LEKR1: variants seen among roughly 807,000 people sequenced by gnomAD.
The protein encoded by LEKR1 is protein LEKR1.
LEKR1 carries 59 observed loss-of-function variants against 72.4 expected under a neutral mutation model. That is an observed-to-expected ratio of 0.82 (90% CI 0.66 to 1.01). LEKR1 has a LOEUF of 1.01. LEKR1 is among the 50% of genes least tolerant of loss of function. LEKR1 has a pLI of 0.00. For synonymous variants in LEKR1, 257 were observed against 263.2 expected (o/e 0.98, Z 0.23); for missense variants, 728 against 759.2 (o/e 0.96, Z 0.48).
intron 6 of LEKR1, among the ~76,000 whole-genome samples, chr3:156,954,268 T>C (rs1392377006): frequency 1.3e-5 from 2 of 152,088 alleles, no homozygotes; most frequent in African/African-American, 4.8e-5. Context: ...TATTACACTT[T>C]TGCCAAATGG....
intron 3 of LEKR1, among the ~76,000 whole-genome samples, chr3:156,887,259 T>G (rs932294776): frequency 2.6e-5 from 4 of 152,062 alleles, no homozygotes; most frequent in Non-Finnish European, 5.9e-5. Context: ...TCCTCCCAAT[T>G]TTTTGAATTT....
chr3:156,889,533 T>C (rs1238738188), intron 3 of LEKR1, among the ~76,000 whole-genome samples: 1 of 152,186 alleles, frequency 6.6e-6, no homozygotes, highest in Non-Finnish European at 1.5e-5. Flanking sequence ...TGGGGTTGAT[T>C]CTGAAAACAT....
rs1426365644 is a variant in LEKR1 at position 157,035,220 on chromosome 3, G to T, written c.1668+6818G>T. ...TGTGACTTTCTTTATTGCAATATTT[G>T]CTTTATTTTGGTCTAGAACCAAACC... On this transcript the variant is annotated intron_variant, in intron 12 of 12. Coordinates refer to ENST00000356539, the MANE Select transcript of LEKR1 (RefSeq NM_001004316.3). 2.0e-5 allele frequency among the ~76,000 whole-genome samples: 3 copies of T among 152,066 alleles called. 1 individual carries two copies. The highest frequency in any genetic ancestry group is 7.2e-5 in the African/African-American group (3 of 41,412).
chr3:157,027,610 G>A (rs1734288148), intron 11 of LEKR1, among the ~76,000 whole-genome samples: 1 of 152,058 alleles, frequency 6.6e-6, no homozygotes, highest in African/African-American at 2.4e-5. Context: ...GAGCCCAGGA[G>A]TTTAAGACCA....
intron 6 of LEKR1, among the ~76,000 whole-genome samples, chr3:156,960,591 A>G (rs992786883): frequency 1.3e-5 from 2 of 152,130 alleles, no homozygotes; most frequent in Non-Finnish European, 2.9e-5. Flanking sequence ...TGGCCCAAGC[A>G]TACGGTTTTT....
At chr3:157,043,311 T>C (rs907467294) in intron 12 of LEKR1, among the ~76,000 whole-genome samples, 6 of 152,280 alleles carry the variant, frequency 3.9e-5, no homozygotes, top group African/African-American at 1.4e-4. Flanking sequence ...TACACCACTT[T>C]AATAACTCCA....
intron 3 of LEKR1, among the ~76,000 whole-genome samples, chr3:156,899,081 A>G (rs1721503185): frequency 6.6e-6 from 1 of 151,876 alleles, no homozygotes; most frequent in Non-Finnish European, 1.5e-5. Context: ...TCAGTGGGGT[A>G]GACATCAGCT....
At chr3:156,919,375 CTT>C (rs1723973136) in intron 3 of LEKR1, among the ~76,000 whole-genome samples, 1 of 151,954 alleles carries the variant, frequency 6.6e-6, no homozygotes, top group African/African-American at 2.4e-5. Flanking sequence ...GTTGTTCCTC[CTT>C]GATAGTGACT....
chr3:156,838,932 C>G (rs1308998104), intron 2 of LEKR1, among the ~76,000 whole-genome samples: 1 of 151,942 alleles, frequency 6.6e-6, no homozygotes, highest in Admixed American at 6.6e-5. Context: ...TTAATGGAAA[C>G]GAGGATGGCC....
At chr3:156,970,390 A>G (rs1384225026) in intron 6 of LEKR1, among the ~76,000 whole-genome samples, 4 of 152,218 alleles carry the variant, frequency 2.6e-5, no homozygotes, top group Non-Finnish European at 4.4e-5. Context: ...TGTTTTGGAC[A>G]TGAAGTCCTT....
intron 4 of LEKR1, among the ~76,000 whole-genome samples, chr3:156,923,132 T>C: frequency 6.6e-6 from 1 of 152,212 alleles, no homozygotes; most frequent in East Asian, 1.9e-4. Context: ...TTACCCCGTA[T>C]CTTTTTAAAA....
At chr3:156,867,514 CT>C (rs1171214593) in intron 3 of LEKR1, among the ~76,000 whole-genome samples, 1 of 151,900 alleles carries the variant, frequency 6.6e-6, no homozygotes, top group African/African-American at 2.4e-5. Context: ...GTTTTTCCCC[CT>C]GGCCAAAATA....
At chr3:156,989,178 G>A (rs946279905) in intron 7 of LEKR1, among the ~76,000 whole-genome samples, 5 of 152,140 alleles carry the variant, frequency 3.3e-5, no homozygotes, top group East Asian at 1.9e-4. Context: ...TATCCTGGAC[G>A]TTTTTCCATG....
At chr3:156,971,182 G>A (rs895543928) in intron 6 of LEKR1, among the ~76,000 whole-genome samples, 3 of 152,042 alleles carry the variant, frequency 2.0e-5, no homozygotes, top group Non-Finnish European at 2.9e-5. Context: ...CAGAAATAAC[G>A]CCGCATGTCT....
At chr3:156,889,058 A>G (rs1267365484) in intron 3 of LEKR1, among the ~76,000 whole-genome samples, 3 of 152,058 alleles carry the variant, frequency 2.0e-5, no homozygotes, top group Non-Finnish European at 2.9e-5. Flanking sequence ...ATACATTATC[A>G]TTTTCTCCAT....
chr3:156,950,925 G>A (rs1369738193), intron 6 of LEKR1, among the ~76,000 whole-genome samples: 1 of 151,666 alleles, frequency 6.6e-6, no homozygotes, highest in East Asian at 1.9e-4. Context: ...TGGTGAAAGA[G>A]GGCATCCTTG....
chr3:157,027,117 C>T (rs1734240184), intron 11 of LEKR1, among the ~76,000 whole-genome samples: 1 of 151,752 alleles, frequency 6.6e-6, no homozygotes, highest in East Asian at 1.9e-4. Context: ...GCTCAATAGT[C>T]AATACTCTTT....
intron 5 of LEKR1, among the ~76,000 whole-genome samples, chr3:156,934,119 G>T (rs987583595): frequency 3.3e-5 from 5 of 152,206 alleles, no homozygotes; most frequent in African/African-American, 1.2e-4. Context: ...TGTCTATCCT[G>T]ATTTTCTCTT....
Position 156,932,721 on chromosome 3 carries a change from A to G in LEKR1, c.559+5117A>G, listed in dbSNP as rs1372373032. Among the ~76,000 whole-genome samples, 19 of 145,386 alleles carry G rather than the reference A, an allele frequency of 1.3e-4. 1 individual carries two copies. The East Asian group carries it at 1.7e-3, about 13-fold the overall frequency. On this transcript the variant is annotated intron_variant, in intron 5 of 12. Coordinates refer to ENST00000356539, the MANE Select transcript of LEKR1 (RefSeq NM_001004316.3). Reference sequence around the variant, plus strand: ...ACTCTGTCTCAAAAAAAAAAAAAAAAAAGGGTATCTATGTTATTAAATGGA... The same window carrying G: ...ACTCTGTCTCAAAAAAAAAAAAAAAGAAGGGTATCTATGTTATTAAATGGA...
Sources: gnomAD v4.1 joint callset for allele counts (sites outside exome capture counted in the v4.1 genomes callset) on GRCh38, gnomAD v4.1.1 for gene constraint, MANE v1.5 for transcripts, NCBI Gene and HGNC (gene_info 2026-07-23, HGNC 2026-07-21) for gene names.